Variants in LDAH observed in about 807,000 individuals in gnomAD.
The protein encoded by LDAH is lipid droplet-associated hydrolase.
In LDAH, 26 loss-of-function variants were observed where a neutral mutation model predicts 29.6. That is an observed-to-expected ratio of 0.88 (90% confidence interval 0.64 to 1.22). The LOEUF is 1.22. LDAH is among the 50% of genes most tolerant of loss of function. The probability of loss-of-function intolerance (pLI) is 0.00; values close to 1 mark genes in which losing one functional copy is unlikely to be tolerated. For synonymous variants in LDAH, 117 were observed against 133.0 expected, an observed-to-expected ratio of 0.88 and a Z score of 0.83; for missense variants, 344 against 387.3, an observed-to-expected ratio of 0.89 and a Z score of 0.94.
intron 5 of LDAH, among the ~76,000 whole-genome samples, chr2:20,739,550 A>G (rs1474294008): frequency 6.6e-6 from 1 of 152,196 alleles, no homozygotes; most frequent in Non-Finnish European, 1.5e-5. Context: ...AAATTCTCCC[A>G]AAACATTTAA....
At chr2:20,813,807 T>A (rs903194478) in intron 1 of LDAH, among the ~76,000 whole-genome samples, 1 of 152,256 alleles carries the variant, frequency 6.6e-6, no homozygotes, top group Non-Finnish European at 1.5e-5. Context: ...TTTCACTGAC[T>A]ACAAGTGTGT....
chr2:20,733,961 T>C (rs1177342845), intron 5 of LDAH, among the ~76,000 whole-genome samples: 5 of 152,228 alleles, frequency 3.3e-5, no homozygotes, highest in African/African-American at 1.2e-4. Context: ...GTTGCTGATT[T>C]CTAGTTTGAT....
At chr2:20,752,462 T>C (rs1462665710) in intron 4 of LDAH, among the ~76,000 whole-genome samples, 1 of 152,200 alleles carries the variant, frequency 6.6e-6, no homozygotes, top group Non-Finnish European at 1.5e-5. Flanking sequence ...GAAATAGCCA[T>C]CAAGTGTCAA....
intron 5 of LDAH, among the ~76,000 whole-genome samples, chr2:20,730,395 C>T (rs1051969383): frequency 3.9e-5 from 6 of 152,134 alleles, no homozygotes; most frequent in Non-Finnish European, 7.3e-5. Context: ...AAACTGCTTT[C>T]CAGAGTGGGT....
intron 5 of LDAH, among the ~76,000 whole-genome samples, chr2:20,703,400 G>C (rs544669611): frequency 6.6e-6 from 1 of 152,264 alleles, no homozygotes; most frequent in East Asian, 1.9e-4. Flanking sequence ...GATTACCCTT[G>C]CTGAGTTGCT....
At chr2:20,769,328 C>T (rs1475274655) in intron 4 of LDAH, among the ~76,000 whole-genome samples, 4 of 152,144 alleles carry the variant, frequency 2.6e-5, no homozygotes, top group East Asian at 1.9e-4. Context: ...TTTTGCCTTC[C>T]GTGTCTTGTC....
chr2:20,789,325 A>T (rs1229158275), intron 3 of LDAH: 1 of 1,537,404 alleles, frequency 6.5e-7, no homozygotes. Flanking sequence ...CCACGAGAGG[A>T]CAGCAAGAAT....
intron 5 of LDAH, among the ~76,000 whole-genome samples, chr2:20,713,847 T>C (rs1572456335): frequency 6.6e-6 from 1 of 152,172 alleles, no homozygotes; most frequent in African/African-American, 2.4e-5. Flanking sequence ...TAAATATATA[T>C]GCAACCAATA....
At chr2:20,763,272 A>G (rs1487609160) in intron 4 of LDAH, among the ~76,000 whole-genome samples, 2 of 152,188 alleles carry the variant, frequency 1.3e-5, no homozygotes, top group African/African-American at 4.8e-5. Context: ...CTTCCAAGGG[A>G]TATGAGAAGA....
chr2:20,690,720 G>T (rs1473143590), intron 6 of LDAH, among the ~76,000 whole-genome samples: 4 of 152,094 alleles, frequency 2.6e-5, no homozygotes, highest in Non-Finnish European at 2.9e-5. Flanking sequence ...GGGTGAAGTA[G>T]AAAGAAAGAG....
intron 5 of LDAH, among the ~76,000 whole-genome samples, chr2:20,731,091 G>A (rs895330782): frequency 6.6e-5 from 10 of 152,130 alleles, no homozygotes; most frequent in Non-Finnish European, 8.8e-5. Context: ...AATCTTGCTC[G>A]GATTTTGATA....
chr2:20,788,019 A>C (rs1670676701), intron 3 of LDAH, among the ~76,000 whole-genome samples: 2 of 152,222 alleles, frequency 1.3e-5, no homozygotes, highest in African/African-American at 4.8e-5. Context: ...AGCATAATTA[A>C]ACCATTATGA....
At chr2:20,763,990 G>C (rs1177348325) in intron 4 of LDAH, among the ~76,000 whole-genome samples, 1 of 150,274 alleles carries the variant, frequency 6.7e-6, no homozygotes, top group Non-Finnish European at 1.5e-5. Flanking sequence ...CAAAGTTTGA[G>C]AAAAACATAT....
intron 6 of LDAH, among the ~76,000 whole-genome samples, chr2:20,700,730 G>A (rs758523114): frequency 2.0e-5 from 3 of 152,148 alleles, no homozygotes; most frequent in Non-Finnish European, 2.9e-5. Context: ...AGGAATGGGT[G>A]AAATTACTTT....
At chr2:20,756,293 C>T (rs1249039472) in intron 4 of LDAH, among the ~76,000 whole-genome samples, 2 of 152,128 alleles carry the variant, frequency 1.3e-5, no homozygotes, top group African/African-American at 4.8e-5. Context: ...CCTCGGCCTT[C>T]CAAAGTGCTG....
chr2:20,770,932 T>A (rs1377793292), intron 4 of LDAH, among the ~76,000 whole-genome samples: 1 of 152,230 alleles, frequency 6.6e-6, no homozygotes, highest in Non-Finnish European at 1.5e-5. Flanking sequence ...CTAAAGCCTA[T>A]CTCAGTTCTA....
intron 6 of LDAH, among the ~76,000 whole-genome samples, chr2:20,688,495 A>G (rs1159732523): frequency 6.6e-6 from 1 of 152,170 alleles, no homozygotes; most frequent in East Asian, 1.9e-4. Flanking sequence ...TGAGGTCCCT[A>G]TGTCAGGAAA....
Position 20,770,549 on chromosome 2 carries a change from T to C in LDAH, c.468+4261A>G, listed in dbSNP as rs114591768. Among the ~76,000 whole-genome samples, 1,042 of 152,312 alleles carry C rather than the reference T, an allele frequency of 6.8e-3. 5 individuals are homozygous for C. Among genetic ancestry groups the C allele is most frequent in the Middle Eastern group, 0.014 (4 of 294 alleles). ...ACATTTTTAACATATAGAGGGTTGA[T>C]AAGAGAAAGAAGATTCTAGATAGTG... On this transcript the variant is annotated intron_variant, in intron 4 of 6. Coordinates refer to ENST00000237822, the MANE Select transcript of LDAH (RefSeq NM_021925.4).
At chr2:20,781,610 G>A (rs746195494) in intron 3 of LDAH, among the ~76,000 whole-genome samples, 1 of 152,170 alleles carries the variant, frequency 6.6e-6, no homozygotes, top group Non-Finnish European at 1.5e-5. Flanking sequence ...TAGCTGAATG[G>A]GGGGCTGGTC....
Sources: gnomAD v4.1 joint callset for allele counts (sites outside exome capture counted in the v4.1 genomes callset) on GRCh38, gnomAD v4.1.1 for gene constraint, MANE v1.5 for transcripts, NCBI Gene and HGNC (gene_info 2026-07-23, HGNC 2026-07-21) for gene names.